DLG2: variants seen among roughly 807,000 people sequenced by gnomAD.
The protein encoded by DLG2 is discs large MAGUK scaffold protein 2.
A neutral mutation model predicts 132.5 loss-of-function variants in DLG2; 45 were observed. That is an observed-to-expected ratio of 0.34 (90% CI 0.27 to 0.44). The LOEUF is 0.44. Among genes scored for constraint, DLG2 ranks in the 20% least tolerant of loss-of-function variants. The probability of loss-of-function intolerance (pLI) is 1.00; values close to 1 mark genes in which losing one functional copy is unlikely to be tolerated. For synonymous variants in DLG2, 424 were observed against 419.6 expected, an observed-to-expected ratio of 1.01 and a Z score of -0.13; for missense variants, 1,045 against 1,196.9, an observed-to-expected ratio of 0.87 and a Z score of 1.87.
At chr11:84,146,781 G>A (rs758620865) in intron 9 of DLG2, among the ~76,000 whole-genome samples, 3 of 152,094 alleles carry the variant, frequency 2.0e-5, no homozygotes, top group Admixed American at 1.3e-4. Flanking sequence ...TTTAAGGGAA[G>A]GCTCATGTAG....
At chr11:84,565,899 C>G (rs531361222) in intron 6 of DLG2, among the ~76,000 whole-genome samples, 1 of 151,070 alleles carries the variant, frequency 6.6e-6, no homozygotes, top group Non-Finnish European at 1.5e-5. Flanking sequence ...ATATATCATT[C>G]GATAAAGTAT....
Position 84,596,834 on chromosome 11 carries a change from C to A in DLG2, c.358-62103G>T, listed in dbSNP as rs2099560625. 2.6e-5 allele frequency among the ~76,000 whole-genome samples: 4 copies of A among 152,148 alleles called. No homozygotes were observed. The South Asian group carries it at 8.3e-4, about 32-fold the overall frequency. On this transcript the variant is annotated intron_variant, in intron 6 of 27. Coordinates refer to ENST00000376104, the MANE Select transcript of DLG2 (RefSeq NM_001142699.3). Reference sequence around the variant, plus strand: ...GTACGAAATATATCACTTTCCAAATCCTTATATCAAAATACTATTTCTAAA... The same window carrying A: ...GTACGAAATATATCACTTTCCAAATACTTATATCAAAATACTATTTCTAAA...
At chr11:84,463,545 A>G (rs892961573) in intron 7 of DLG2, among the ~76,000 whole-genome samples, 7 of 151,120 alleles carry the variant, frequency 4.6e-5, no homozygotes, top group African/African-American at 1.2e-4. Context: ...GAAGGGGAGG[A>G]TGAGGTAGTA....
intron 6 of DLG2, among the ~76,000 whole-genome samples, chr11:84,833,484 C>T (rs1202630807): frequency 2.6e-5 from 4 of 151,580 alleles, no homozygotes; most frequent in African/African-American, 9.7e-5. Flanking sequence ...ATTTTACACA[C>T]ATCCTATAGA....
intron 6 of DLG2, among the ~76,000 whole-genome samples, chr11:84,771,370 A>G (rs937484596): frequency 2.6e-5 from 4 of 152,144 alleles, no homozygotes; most frequent in African/African-American, 7.2e-5. Flanking sequence ...GTAATGATCA[A>G]TGATACTGAG....
At chr11:84,002,891 A>G (rs2094421207) in intron 11 of DLG2, among the ~76,000 whole-genome samples, 2 of 152,118 alleles carry the variant, frequency 1.3e-5, no homozygotes, top group African/African-American at 2.4e-5. Flanking sequence ...CAGGTTGCAA[A>G]GTTTTCAAAC....
chr11:83,938,740 T>C (rs1018115768), intron 14 of DLG2, among the ~76,000 whole-genome samples: 1 of 152,196 alleles, frequency 6.6e-6, no homozygotes, highest in Non-Finnish European at 1.5e-5. Flanking sequence ...AAACATTTTG[T>C]TTGTAAGGAA....
At chr11:84,749,492 A>G (rs916880455) in intron 6 of DLG2, among the ~76,000 whole-genome samples, 3 of 152,294 alleles carry the variant, frequency 2.0e-5, no homozygotes, top group Admixed American at 2.0e-4. Flanking sequence ...TATAAATAAC[A>G]TTGTATTACA....
chr11:85,060,505 ATG>A (rs547204773), intron 6 of DLG2, among the ~76,000 whole-genome samples: 39 of 150,392 alleles, frequency 2.6e-4, no homozygotes, highest in Admixed American at 5.3e-4. Context: ...GCATATGTAT[ATG>A]TGTGTGTGTG....
intron 6 of DLG2, among the ~76,000 whole-genome samples, chr11:84,703,493 C>A (rs2059418081): frequency 6.6e-6 from 1 of 151,374 alleles, no homozygotes. Context: ...ATTTACCATT[C>A]ATGTTTGCAA....
chr11:83,786,584 C>T, intron 18 of DLG2, 106 bp downstream of exon 18: 1 of 1,047,012 alleles, frequency 9.6e-7, no homozygotes, highest in Non-Finnish European at 1.4e-6. Context: ...GGTAGGTTTA[C>T]AAAACACCAA....
intron 8 of DLG2, among the ~76,000 whole-genome samples, chr11:84,198,526 A>T (rs1403903871): frequency 9.2e-5 from 14 of 152,222 alleles, no homozygotes; most frequent in Admixed American, 9.2e-4. Context: ...TACTATTACA[A>T]TGTTATATTT....
chr11:84,314,448 C>A (rs756049387), intron 7 of DLG2, among the ~76,000 whole-genome samples: 1 of 151,958 alleles, frequency 6.6e-6, no homozygotes, highest in Non-Finnish European at 1.5e-5. Context: ...TGATAATATA[C>A]GTAAGTGTAT....
intron 3 of DLG2, among the ~76,000 whole-genome samples, chr11:85,299,672 T>C (rs947565721): frequency 1.3e-5 from 2 of 152,198 alleles, no homozygotes; most frequent in African/African-American, 2.4e-5. Context: ...TCAAATTTTA[T>C]TGTGCACCAA....
At chr11:85,112,042 T>C (rs927069820) in intron 5 of DLG2, among the ~76,000 whole-genome samples, 1 of 152,092 alleles carries the variant, frequency 6.6e-6, no homozygotes, top group Non-Finnish European at 1.5e-5. Context: ...ATAGGCTGAC[T>C]GTTCTCTTCC....
chr11:84,705,627 A>T lies in DLG2; in HGVS notation c.358-170896T>A, dbSNP rs188709356. On this transcript the variant is annotated intron_variant, in intron 6 of 27. Coordinates refer to ENST00000376104, the MANE Select transcript of DLG2 (RefSeq NM_001142699.3). ...ACATTCATGCATCCATTCATTCCTC[A>T]CCAAGTACTTATCAACCAACTTCTA... 2.3e-3 allele frequency among the ~76,000 whole-genome samples: 356 copies of T among 151,828 alleles called. 2 individuals are homozygous for T. Among genetic ancestry groups the T allele is most frequent in the Admixed American group, 0.01 (153 of 15,224 alleles).
chr11:83,875,098 G>T (rs2064428128), intron 15 of DLG2, among the ~76,000 whole-genome samples: 2 of 151,966 alleles, frequency 1.3e-5, no homozygotes, highest in African/African-American at 4.8e-5. Context: ...GTATTTATTA[G>T]TTCAAATTTG....
intron 6 of DLG2, among the ~76,000 whole-genome samples, chr11:84,850,083 T>A (rs1489998353): frequency 6.6e-6 from 1 of 152,140 alleles, no homozygotes; most frequent in Non-Finnish European, 1.5e-5. Flanking sequence ...CCATGTTATT[T>A]CTGACTAATT....
chr11:85,024,537 T>C (rs1426283902), intron 6 of DLG2, among the ~76,000 whole-genome samples: 4 of 152,182 alleles, frequency 2.6e-5, no homozygotes, highest in Non-Finnish European at 4.4e-5. Flanking sequence ...AGCACATTCC[T>C]GAAGCCCAAA....
Sources: gnomAD v4.1 joint callset for allele counts (sites outside exome capture counted in the v4.1 genomes callset) on GRCh38, gnomAD v4.1.1 for gene constraint, MANE v1.5 for transcripts, NCBI Gene and HGNC (gene_info 2026-07-23, HGNC 2026-07-21) for gene names.